Variants in LAMC3 observed in about 807,000 individuals in gnomAD.
The protein encoded by LAMC3 is laminin subunit gamma 3.
A neutral mutation model predicts 173.8 loss-of-function variants in LAMC3; 128 were observed. The observed-to-expected ratio is 0.74, with a 90% CI of 0.64 to 0.85. LAMC3 has a LOEUF of 0.85. Among genes scored for constraint, LAMC3 ranks in the 40% least tolerant of loss-of-function variants. The probability of loss-of-function intolerance (pLI) is 0.00; values close to 1 mark genes in which losing one functional copy is unlikely to be tolerated. For missense variants in LAMC3, 2,022 were observed against 2,156.0 expected, an observed-to-expected ratio of 0.94 and a Z score of 1.23; for synonymous variants, 897 against 909.1, an observed-to-expected ratio of 0.99 and a Z score of 0.24.
intron 3 of LAMC3, among the ~76,000 whole-genome samples, chr9:131,033,317 G>C (rs1267098875): frequency 1.3e-5 from 2 of 152,208 alleles, no homozygotes; most frequent in Non-Finnish European, 2.9e-5. Flanking sequence ...CCAGTCACCT[G>C]GGGATGGCAG....
At chr9:131,066,124 G>A (rs1374271865) in intron 13 of LAMC3, among the ~76,000 whole-genome samples, 3 of 152,116 alleles carry the variant, frequency 2.0e-5, no homozygotes, top group Admixed American at 1.3e-4. Flanking sequence ...GAACCCCAGA[G>A]GCAGAGGTTG....
rs749179401 is a variant in LAMC3 at position 131,085,547 on chromosome 9, C to T, written c.4054C>T (p.Pro1352Ser). Residue 1352 changes from proline to serine, a missense_variant, in exon 25 of 28, where the codon CCC becomes TCC. By Grantham distance (74) the Pro-to-Ser change is moderately conservative (BLOSUM62 -1). Coordinates refer to ENST00000361069, the MANE Select transcript of LAMC3 (RefSeq NM_006059.4). Reference sequence around the variant, plus strand: ...AGGAATGAAGCTGCAGTTTCCCCGGCCCAAGGACCAGGCGGCATTGCAGAG... The same window carrying T: ...AGGAATGAAGCTGCAGTTTCCCCGGTCCAAGGACCAGGCGGCATTGCAGAG... ...LEGMKLQFPR[P>S]KDQAALQRKA... is the part of the protein sequence containing the mutation. 1 of 1,613,994 alleles carries T rather than the reference C, an allele frequency of 6.2e-7. No individual in the cohort carries two copies. Among genetic ancestry groups the T allele is most frequent in the Non-Finnish European group, 8.5e-7 (1 of 1,180,024 alleles).
chr9:131,071,437 C>A (rs745556170), intron 17 of LAMC3, 47 bp from the exon 18 acceptor site: 19 of 1,605,348 alleles, frequency 1.2e-5, no homozygotes, highest in Non-Finnish European at 1.4e-5. Context: ...CTGGGCAGGA[C>A]CTCCATGCCA....
rs188710464 is a variant in LAMC3, at chr9:131,056,933, A to C, written c.1944A>C (p.Pro648=). 1 of 1,612,142 alleles carries C rather than the reference A, an allele frequency of 6.2e-7. No individual in the cohort carries two copies. The highest frequency in any genetic ancestry group is 8.5e-7 in the Non-Finnish European group (1 of 1,179,816). ...CTCTCCCTTCTCGCTCTGCAGGTCC[A>C]GTGTTCCTGACTGAGGTCCGGCTCA... The part of the protein sequence containing the change: ...RVSPGPSPAG[P]VFLTEVRLTS... Residue 648 remains proline, a synonymous_variant, in exon 12 of 28, where the codon CCA becomes CCC. Coordinates refer to ENST00000361069, the MANE Select transcript of LAMC3 (RefSeq NM_006059.4).
At chr9:131,052,454 T>C in intron 9 of LAMC3, 37 bp from the exon 10 acceptor site, 1 of 1,532,854 alleles carries the variant, frequency 6.5e-7, no homozygotes, top group South Asian at 1.1e-5. Context: ...AAGCTAACCA[T>C]ATGAAGACTG....
At chr9:131,079,075 AC>A (rs1830187098) in intron 22 of LAMC3, 73 bp from the exon 23 acceptor site, 1 of 1,550,024 alleles carries the variant, frequency 6.5e-7, no homozygotes. Flanking sequence ...CCAGCAGGGC[AC>A]CTCCCCCAAG....
chr9:131,038,797 T>G, intron 4 of LAMC3, 67 bp from the exon 5 acceptor site: 1 of 1,522,256 alleles, frequency 6.6e-7, no homozygotes, highest in East Asian at 2.2e-5. Context: ...GGAGGCTGAC[T>G]GACACAGATG....
At position 131,081,928 on chromosome 9, in the gene LAMC3, C is replaced by T. The variant is rs1462217149; in HGVS notation, c.3928-131C>T. ...ACACAGATCAGGTGCTCCTGGTGGA[C>T]AGCGTGACCCAGCGTCAGGGATTTG... On this transcript the variant is annotated intron_variant, in intron 23 of 27. Coordinates refer to ENST00000361069, the MANE Select transcript of LAMC3 (RefSeq NM_006059.4). 8.6e-6 allele frequency: 6 copies of T among 699,760 alleles called. No homozygotes were observed. In the East Asian group the frequency reaches 1.1e-4, roughly 13 times the overall value. The allele number at this position is 699,760 out of a possible 1,614,324, so 43.3% of individuals were successfully genotyped here. A position where few individuals can be genotyped will look rare whatever the true frequency, so the allele number is the denominator to read the frequency against.
At chr9:131,076,100 G>C in intron 21 of LAMC3, 135 bp downstream of exon 21, 1 of 924,702 alleles carries the variant, frequency 1.1e-6, no homozygotes, top group South Asian at 1.8e-5. Flanking sequence ...TCTTGGGTCT[G>C]CATCCTCCTC....
At chr9:131,025,495 A>G (rs1426113460) in intron 1 of LAMC3, among the ~76,000 whole-genome samples, 1 of 152,032 alleles carries the variant, frequency 6.6e-6, no homozygotes, top group Non-Finnish European at 1.5e-5. Context: ...GCTAAAGCCC[A>G]GGGAAGGGAG....
At position 131,072,751 on chromosome 9, in the gene LAMC3, C is replaced by T. The variant is rs1830057153; in HGVS notation, c.3333C>T (p.Thr1111=). ...ARCAQAGSQK[T]CTQLADLEAV... The stretch of plus-strand genomic sequence containing the variant: ...GTGCCCAGGCCGGATCCCAGAAGAC[C>T]TGCACCCAGCTGGCAGACCTGGAGG... The change falls in exon 19 of 28, where the codon ACC becomes ACT. Residue 1111 remains threonine (T), a synonymous_variant. Coordinates refer to ENST00000361069, the MANE Select transcript of LAMC3 (RefSeq NM_006059.4). The T allele has an allele frequency of 6.2e-7, 1 of 1,613,126 alleles. No individual in the cohort carries two copies. Among genetic ancestry groups the T allele is most frequent in the African/African-American group, 1.3e-5 (1 of 74,896 alleles).
At chr9:131,089,056 G>T (rs941902980) in intron 27 of LAMC3, among the ~76,000 whole-genome samples, 2 of 151,856 alleles carry the variant, frequency 1.3e-5, no homozygotes, top group Non-Finnish European at 2.9e-5. Context: ...CTGCACTCCA[G>T]CCTGGGTGAG....
At position 131,068,996 on chromosome 9, in the gene LAMC3, G is replaced by A. The variant is rs1564384857; in HGVS notation, c.2836G>A (p.Ala946Thr). The change falls in exon 16 of 28, where the codon GCC becomes ACC. Residue 946 changes from alanine to threonine, a missense_variant. Ala to Thr is a moderately conservative substitution (Grantham distance 58). Coordinates refer to ENST00000361069, the MANE Select transcript of LAMC3 (RefSeq NM_006059.4). ...CTCRPGVTGQ[A>T]CDRCQLGFFG... ...CTGCCGCCCAGGTGTCACAGGCCAG[G>A]CCTGTGACAGGTGCCAGCTGGGTTT... is the stretch of plus-strand genomic sequence containing the variant. 1 of 1,614,096 alleles carries A rather than the reference G, an allele frequency of 6.2e-7. No individual in the cohort carries two copies. Among genetic ancestry groups the A allele is most frequent in the Non-Finnish European group, 8.5e-7 (1 of 1,180,016 alleles).
rs1310243842 is a variant in LAMC3, at chr9:131,094,257, T to C, written c.*2470T>C. ...TGCTTGCAAGAGACAAGCTGGTGAC[T>C]CTGTCCTGATTCCAGCTTCTCAGCT... is the stretch of plus-strand genomic sequence containing the variant. On this transcript the variant is annotated 3_prime_UTR_variant, in exon 28 of 28. Transcript: ENST00000361069. 6.6e-6 allele frequency: 1 copy of C among 152,186 alleles called. No individual in the cohort carries two copies. Among genetic ancestry groups the C allele is most frequent in the Non-Finnish European group, 1.5e-5 (1 of 68,086 alleles). The allele number at this position is 152,186 out of a possible 1,614,324, so 9.4% of individuals were successfully genotyped here.
chr9:131,032,633 T>C (rs1327749651), intron 3 of LAMC3, among the ~76,000 whole-genome samples: 1 of 149,404 alleles, frequency 6.7e-6, no homozygotes, highest in South Asian at 2.2e-4. Context: ...TCACTCTCTC[T>C]TGCTCTCTCG....
At chr9:131,078,483 TCAAAA>T (rs199757711) in intron 22 of LAMC3, among the ~76,000 whole-genome samples, 4,832 of 148,236 alleles carry the variant, frequency 0.033, 251 homozygotes, top group African/African-American at 0.11. Context: ...AGATTCTGTC[TCAAAA>T]CAAAACAAAA....
At chr9:131,049,660 C>T (rs914494549) in intron 9 of LAMC3, among the ~76,000 whole-genome samples, 4 of 152,170 alleles carry the variant, frequency 2.6e-5, no homozygotes, top group Non-Finnish European at 4.4e-5. Context: ...ATGAAACCCC[C>T]GTTTTTCTGG....
chr9:131,018,458 G>A (rs1360164247), intron 1 of LAMC3, among the ~76,000 whole-genome samples: 2 of 151,940 alleles, frequency 1.3e-5, no homozygotes, highest in Non-Finnish European at 2.9e-5. Flanking sequence ...AAACAGCGAC[G>A]AGAATTAAAA....
In LAMC3 at chr9:131,029,477, T is replaced by A. The variant is rs2133231426; in HGVS notation, c.679-2568T>A. On this transcript the variant is annotated intron_variant, in intron 2 of 27. Coordinates refer to ENST00000361069, the MANE Select transcript of LAMC3 (RefSeq NM_006059.4). The surrounding 1 kb of genome is among the most constrained non-coding windows in gnomAD (Gnocchi z 4.6). Reference sequence around the variant, plus strand: ...GGAGGTTTTCTGTCTTGTTGCCTCTTGTGTTCTGGACACTGTCCCTGATGG... The same window carrying A: ...GGAGGTTTTCTGTCTTGTTGCCTCTAGTGTTCTGGACACTGTCCCTGATGG... 6.6e-6 allele frequency among the ~76,000 whole-genome samples: 1 copy of A among 152,340 alleles called. No homozygotes were observed. Among genetic ancestry groups the A allele is most frequent in the East Asian group, 1.9e-4 (1 of 5,176 alleles).
Sources: allele counts gnomAD v4.1 joint callset (sites outside exome capture counted in the v4.1 genomes callset), GRCh38; gene constraint gnomAD v4.1.1; non-coding constraint Gnocchi (gnomAD v3.1); transcripts MANE v1.5; gene names NCBI Gene and HGNC (gene_info 2026-07-23, HGNC 2026-07-21).